The following GAREM2 variants were observed in gnomAD, a reference collection of about 807,000 sequenced individuals.
GAREM2 encodes the protein GRB2-associated and regulator of MAPK protein 2.
A neutral mutation model predicts 55.6 loss-of-function variants in GAREM2; 30 were observed. That is an observed-to-expected ratio of 0.54 (90% CI 0.40 to 0.73). The LOEUF (loss-of-function observed/expected upper bound fraction) is 0.73. GAREM2 is among the 30% of genes least tolerant of loss of function. The probability of loss-of-function intolerance (pLI) is 0.00; values close to 1 mark genes in which losing one functional copy is unlikely to be tolerated. For synonymous variants in GAREM2, 550 were observed against 569.1 expected (o/e 0.97, Z 0.48); for missense variants, 1,075 against 1,257.7 (o/e 0.85, Z 2.20).
At position 26,187,330 on chromosome 2, in the gene GAREM2, T is replaced by TAGCC; in HGVS notation, c.1699_1702dup (p.Arg568GlnfsTer36). On this transcript the variant is annotated frameshift_variant, in exon 6 of 6. Transcript: ENST00000401533. LOFTEE classifies it high-confidence loss of function. The stretch of plus-strand genomic sequence containing the variant: ...GAGACTGCAAGGTGGGCGAGTCCTC[T>TAGCC]AGCCGCCCAGCCCCCGGTCCCCTAC... 1 of 1,537,220 alleles carries TAGCC rather than the reference T, an allele frequency of 6.5e-7. No individual in the cohort carries two copies. Among genetic ancestry groups the TAGCC allele is most frequent in the Non-Finnish European group, 8.8e-7 (1 of 1,139,320 alleles).
chr2:26,176,583 G>GT (rs1308686746), intron 2 of GAREM2, 99 bp downstream of exon 2: 103 of 1,153,916 alleles, frequency 8.9e-5, no homozygotes, highest in Middle Eastern at 7.8e-4. Context: ...TAGCGAGGCG[G>GT]TGATTAGGGT....
chr2:26,181,948 C>T, intron 2 of GAREM2: 1 of 960,866 alleles, frequency 1.0e-6, no homozygotes, highest in Non-Finnish European at 1.2e-6. Context: ...CACTGTACTC[C>T]AGCCTGGGCG....
chr2:26,180,955 C>T (rs1476638098), intron 2 of GAREM2: 1 of 985,510 alleles, frequency 1.0e-6, no homozygotes, highest in South Asian at 4.7e-5. Flanking sequence ...GGCCTGAGTA[C>T]ATCATCCTGA....
downstream of GAREM2, chr2:26,191,391 A>C (rs1225165283): frequency 6.2e-7 from 1 of 1,614,230 alleles, no homozygotes; most frequent in South Asian, 1.1e-5. Context: ...CAAAGCGGAA[A>C]GGCCCTGAAT....
downstream of GAREM2, chr2:26,191,474 G>T (rs776491880): frequency 1.9e-6 from 3 of 1,614,128 alleles, no homozygotes; most frequent in African/African-American, 1.3e-5. Context: ...CCCAACCTGC[G>T]AGACCAACCT....
At chr2:26,178,718 T>G (rs1013693047) in intron 2 of GAREM2, among the ~76,000 whole-genome samples, 3 of 152,184 alleles carry the variant, frequency 2.0e-5, no homozygotes, top group Admixed American at 6.5e-5. Flanking sequence ...AGGCACAGTC[T>G]CCCAGGGAAC....
chr2:26,185,802 G>A (rs1669233703), intron 4 of GAREM2, among the ~76,000 whole-genome samples: 1 of 152,174 alleles, frequency 6.6e-6, no homozygotes, highest in Non-Finnish European at 1.5e-5. Context: ...TGTAGGGAGG[G>A]ATGCAGGTGG....
At chr2:26,182,502 C>T (rs1669084428) in intron 2 of GAREM2, 1 of 1,548,764 alleles carries the variant, frequency 6.5e-7, no homozygotes, top group Non-Finnish European at 8.7e-7. Context: ...AGGTAGGGCC[C>T]ATGATCATCT....
chr2:26,191,021 C>T, downstream of GAREM2: 1 of 610,874 alleles, frequency 1.6e-6, no homozygotes, highest in African/African-American at 1.8e-5. Flanking sequence ...GGGGCTTATA[C>T]AATGAGCAGT....
At chr2:26,191,355 T>C, downstream of GAREM2, 1 of 1,614,202 alleles carries the variant, frequency 6.2e-7, no homozygotes, top group Non-Finnish European at 8.5e-7. Flanking sequence ...GCCGGTCCAC[T>C]ATCTTCTGGG....
At position 26,183,059 on chromosome 2, in the gene GAREM2, C is replaced by T. The variant is rs1350048895; in HGVS notation, c.346C>T (p.Arg116Cys). The change falls in exon 3 of 6, where the codon CGC (arginine) becomes TGC (cysteine). Residue 116 changes from arginine to cysteine, a missense_variant. By Grantham distance (180) the Arg-to-Cys change is radical (BLOSUM62 -3). Coordinates refer to ENST00000401533, the MANE Select transcript of GAREM2 (RefSeq NM_001168241.2). Reference sequence around the variant, plus strand: ...GGAGGTGGCCAGTGTCTTCCCTGACCGCATCTTCGTGATGGAAGCCATCAC... The same window carrying T: ...GGAGGTGGCCAGTGTCTTCCCTGACTGCATCTTCGTGATGGAAGCCATCAC... ...VEEVASVFPD[R>C]IFVMEAITFS... is the part of the protein sequence containing the mutation. 8 of 1,551,586 alleles carry T rather than the reference C, an allele frequency of 5.2e-6. No individual in the cohort carries two copies. The highest frequency in any genetic ancestry group is 1.4e-5 in the African/African-American group (1 of 73,044).
In GAREM2 at chr2:26,185,246, G is replaced by A. The variant is rs1176653668; in HGVS notation, c.1398G>A (p.Pro466=). 8.5e-6 allele frequency: 13 copies of A among 1,520,484 alleles called. No homozygotes were observed. In the East Asian group the frequency reaches 3.1e-4, roughly 36 times the overall value. The allele number at this position is 1,520,484 out of a possible 1,614,324, so 94.2% of individuals were successfully genotyped here. The part of the protein sequence containing the change: ...AGPPRREPEA[P]PPPVPPKSEA... ...CGCCGCGTCGGGAGCCGGAAGCGCCGCCGCCTCCAGTCCCTCCCAAATCCG... is the reference window on the plus strand; with the variant it reads ...CGCCGCGTCGGGAGCCGGAAGCGCCACCGCCTCCAGTCCCTCCCAAATCCG... The change falls in exon 4 of 6, where the codon CCG becomes CCA. Residue 466 remains proline (P), a synonymous_variant. Coordinates refer to ENST00000401533, the MANE Select transcript of GAREM2 (RefSeq NM_001168241.2).
In GAREM2 at chr2:26,176,398, G is replaced by A. The variant is rs138312040; in HGVS notation, c.167G>A (p.Arg56Gln). 42 of 1,550,512 alleles carry A rather than the reference G, an allele frequency of 2.7e-5. No individual in the cohort carries two copies. The highest frequency in any genetic ancestry group is 3.3e-5 in the Non-Finnish European group (38 of 1,146,356). ...GACATCCTGCTCATCCACTCCTGCC[G>A]GCAGTGGACAACGGTGACAGCTCAT... ...ERDILLIHSCRQWTTVTAHTL... is the reference protein window; with the variant it reads ...ERDILLIHSCQQWTTVTAHTL... The change falls in exon 2 of 6, where the codon CGG becomes CAG. Residue 56 changes from arginine (R) to glutamine (Q), a missense_variant. Physicochemically the swap from Arg to Gln is conservative, Grantham distance 43. This residue lies in a region of GAREM2 where 230 missense variants were observed against 310.6 expected (regional missense o/e 0.74). Transcript: ENST00000401533.
the GAREM2 span, chr2:26,195,316 A>G: frequency 1.7e-6 from 2 of 1,161,126 alleles, no homozygotes; most frequent in East Asian, 2.3e-5. Flanking sequence ...GGAAAACACT[A>G]GAAAGAAAGG....
At chr2:26,197,834 C>T in the GAREM2 span, 1 of 886,942 alleles carries the variant, frequency 1.1e-6, no homozygotes, top group Non-Finnish European at 1.9e-6. Context: ...TGATTAGAGG[C>T]CACATCAAAG....
intron 2 of GAREM2, among the ~76,000 whole-genome samples, chr2:26,178,525 C>G (rs921734530): frequency 2.6e-5 from 4 of 151,914 alleles, no homozygotes; most frequent in Non-Finnish European, 5.9e-5. Context: ...GGAGGTTGAG[C>G]CTACAGTGAG....
chr2:26,175,711 G>A (rs559943185), intron 1 of GAREM2, among the ~76,000 whole-genome samples: 242 of 152,272 alleles, frequency 1.6e-3, no homozygotes, highest in African/African-American at 5.7e-3. Context: ...GCTGCTCTAA[G>A]CCCTGTCATT....
intron 5 of GAREM2, 70 bp from the exon 6 acceptor site, chr2:26,187,161 A>G: frequency 1.4e-6 from 2 of 1,387,896 alleles, no homozygotes; most frequent in Non-Finnish European, 1.9e-6. Context: ...GTTGCAATGC[A>G]TGTGTGACCC....
chr2:26,191,500 A>T (rs780054585), downstream of GAREM2: 11 of 1,614,044 alleles, frequency 6.8e-6, no homozygotes, highest in Non-Finnish European at 8.5e-6. Context: ...ACAAGGCGGG[A>T]AGCCAAGCCC....
Sources: gnomAD v4.1 joint callset for allele counts (sites outside exome capture counted in the v4.1 genomes callset) on GRCh38, gnomAD v4.1.1 for gene constraint, gnomAD v4.1.1 regional missense constraint, MANE v1.5 for transcripts, NCBI Gene and HGNC (gene_info 2026-07-23, HGNC 2026-07-21) for gene names.